Variants in NDUFV3 observed in about 807,000 individuals in gnomAD.
NDUFV3 encodes the protein NADH:ubiquinone oxidoreductase subunit V3.
Under a neutral mutation model 37.5 loss-of-function variants are expected in NDUFV3, and 44 were observed. The ratio of observed to expected loss-of-function variants is 1.17; its 90% confidence interval spans 0.92 to 1.51. The LOEUF (loss-of-function observed/expected upper bound fraction) is 1.51, where lower values mean the gene tolerates loss of function less well. Among genes scored for constraint, NDUFV3 ranks in the 40% most tolerant of loss-of-function variants. The probability of loss-of-function intolerance (pLI) is 0.00; values close to 1 mark genes in which losing one functional copy is unlikely to be tolerated. For synonymous variants in NDUFV3, 235 were observed against 239.3 expected (o/e 0.98, Z 0.17); for missense variants, 580 against 580.4 (o/e 1.00, Z 0.01).
intron 1 of NDUFV3, 76 bp from the exon 2 acceptor site, chr21:42,896,851 A>T: frequency 7.0e-7 from 1 of 1,426,680 alleles, no homozygotes; most frequent in South Asian, 1.2e-5. Context: ...AAAAATATAT[A>T]TATATATTCA....
At chr21:42,898,352 A>T (rs1375323916) in intron 2 of NDUFV3, among the ~76,000 whole-genome samples, 1 of 152,094 alleles carries the variant, frequency 6.6e-6, no homozygotes, top group Non-Finnish European at 1.5e-5. Flanking sequence ...GCACAGTCAT[A>T]GCTCACTACA....
In NDUFV3 at chr21:42,903,559, G is replaced by A; in HGVS notation, c.547G>A (p.Gly183Arg). The A allele has an allele frequency of 2.5e-6, 4 of 1,613,724 alleles. No individual in the cohort carries two copies. The highest frequency in any genetic ancestry group is 3.4e-6 in the Non-Finnish European group (4 of 1,179,942). Residue 183 changes from glycine (G) to arginine (R), a missense_variant, in exon 3 of 4, where the codon GGG becomes AGG. Transcript: ENST00000354250. ...VTPRVVSKGR[G>R]GLRKPEASHS... ...TCCTCGAGTGGTGAGCAAAGGCAGAGGGGGGCTTCGAAAACCAGAGGCCTC... is the reference window on the plus strand; with the variant it reads ...TCCTCGAGTGGTGAGCAAAGGCAGAAGGGGGCTTCGAAAACCAGAGGCCTC...
At chr21:42,902,900 A>G (rs767512554) in intron 2 of NDUFV3, among the ~76,000 whole-genome samples, 1 of 152,220 alleles carries the variant, frequency 6.6e-6, no homozygotes, top group South Asian at 2.1e-4. Flanking sequence ...TAGATTACTT[A>G]TAATACCTCA....
At chr21:42,903,078 G>A in intron 2 of NDUFV3, 104 bp from the exon 3 acceptor site, 1 of 1,448,006 alleles carries the variant, frequency 6.9e-7, no homozygotes, top group Non-Finnish European at 9.5e-7. Context: ...TGATTGCATT[G>A]AAGATACTGT....
At chr21:42,897,137 G>C (rs921426041) in intron 2 of NDUFV3, 90 bp downstream of exon 2, 103 of 1,439,980 alleles carry the variant, frequency 7.2e-5, no homozygotes, top group Non-Finnish European at 9.9e-5. Flanking sequence ...AGTTTTACTA[G>C]CTACGTAATT....
Position 42,909,001 on chromosome 21 carries a change from C to A in NDUFV3, c.1402C>A (p.Arg468=). The A allele has an allele frequency of 6.2e-7, 1 of 1,613,864 alleles. No individual in the cohort carries two copies. Among genetic ancestry groups the A allele is most frequent in the South Asian group, 1.1e-5 (1 of 91,078 alleles). The change falls in exon 4 of 4, where the codon CGG becomes AGG. Residue 468 remains arginine (R), a synonymous_variant. Transcript: ENST00000354250. ...CAGGATGCCTCAGCCCTCCTCAGGC[C>A]GGGAGTCACCTCGACACTGAGGGCC... ...KFRMPQPSSG[R]ESPRH
chr21:42,902,097 A>G (rs2058719940), intron 2 of NDUFV3, among the ~76,000 whole-genome samples: 1 of 152,152 alleles, frequency 6.6e-6, no homozygotes, highest in Non-Finnish European at 1.5e-5. Context: ...AATCCCAGCT[A>G]TTCGGGAGGC....
chr21:42,893,449 C>A (rs1454090773), intron 1 of NDUFV3, 68 bp downstream of exon 1: 2 of 1,512,882 alleles, frequency 1.3e-6, no homozygotes, highest in Non-Finnish European at 1.8e-6. Flanking sequence ...GGTGAGGGGG[C>A]GCGGTGCTGG....
At chr21:42,900,237 C>T (rs1369206446) in intron 2 of NDUFV3, among the ~76,000 whole-genome samples, 1 of 152,070 alleles carries the variant, frequency 6.6e-6, no homozygotes, top group African/African-American at 2.4e-5. Flanking sequence ...TATGGTGGCT[C>T]ACACCTGTAA....
chr21:42,908,803 C>T (rs1382133934), intron 3 of NDUFV3, 61 bp from the exon 4 acceptor site: 24 of 1,597,206 alleles, frequency 1.5e-5, no homozygotes, highest in South Asian at 1.1e-4. Context: ...GTGTGTGAGC[C>T]GAGTCATTCA....
chr21:42,902,100 C>T lies in NDUFV3; in HGVS notation c.170-1082C>T, dbSNP rs185281725. Among the ~76,000 whole-genome samples, 349 of 152,138 alleles carry T rather than the reference C, an allele frequency of 2.3e-3. 1 individual carries two copies. Among genetic ancestry groups the T allele is most frequent in the African/African-American group, 7.7e-3 (321 of 41,512 alleles). On this transcript the variant is annotated intron_variant, in intron 2 of 3. Transcript: ENST00000354250. ...GCGCATGCCTGTAATCCCAGCTATT[C>T]GGGAGGCTGAGGCAGCAGAATTGCT...
intron 2 of NDUFV3, among the ~76,000 whole-genome samples, chr21:42,902,387 T>A (rs1413934956): frequency 6.6e-6 from 1 of 152,188 alleles, no homozygotes; most frequent in Non-Finnish European, 1.5e-5. Flanking sequence ...GTTAGTTTTG[T>A]GATATTTTGA....
At position 42,903,531 on chromosome 21, in the gene NDUFV3, C is replaced by T; in HGVS notation, c.519C>T (p.Val173=). 6.2e-7 allele frequency: 1 copy of T among 1,614,112 alleles called. No homozygotes were observed. The highest frequency in any genetic ancestry group is 1.7e-5 in the Admixed American group (1 of 60,010). The change falls in exon 3 of 4, where the codon GTC becomes GTT. Residue 173 remains valine, a synonymous_variant. Coordinates refer to ENST00000354250, the MANE Select transcript of NDUFV3 (RefSeq NM_021075.4). The part of the protein sequence containing the change: ...ESDDEADVSE[V]TPRVVSKGRG... ...ATGATGAGGCTGACGTTTCAGAGGT[C>T]ACTCCTCGAGTGGTGAGCAAAGGCA...
intron 1 of NDUFV3, among the ~76,000 whole-genome samples, chr21:42,895,786 G>A (rs2058687793): frequency 6.6e-6 from 1 of 152,030 alleles, no homozygotes; most frequent in South Asian, 2.1e-4. Context: ...AATAGTGATT[G>A]TCCTTGAACT....
chr21:42,910,284 A>G lies in NDUFV3; in HGVS notation c.*1263A>G, dbSNP rs1429031613. ...AGGTTGCAGTGAGCAAGATCGTGCC[A>G]TTGTACTCCAGCCTGGGCAACAGGA... is the stretch of plus-strand genomic sequence containing the variant. On this transcript the variant is annotated 3_prime_UTR_variant, in exon 4 of 4. Transcript: ENST00000354250. 3 of 152,202 alleles carry G rather than the reference A, an allele frequency of 2.0e-5. No homozygotes were observed. The highest frequency in any genetic ancestry group is 6.6e-5 in the Admixed American group (1 of 15,264). 9.4% of individuals were successfully genotyped at this position (152,202 alleles called of 1,614,324 possible). A position where few individuals can be genotyped will look rare whatever the true frequency, so the allele number is the denominator to read the frequency against.
In NDUFV3 at chr21:42,909,060, C is replaced by G. The variant is rs1203541431; in HGVS notation, c.*39C>G. Reference sequence around the variant, plus strand: ...GAAGATGAACCTTCCACCGTCTTCACTGCATCCTGGAGTGCAAAAATAAAA... The same window carrying G: ...GAAGATGAACCTTCCACCGTCTTCAGTGCATCCTGGAGTGCAAAAATAAAA... On this transcript the variant is annotated 3_prime_UTR_variant, in exon 4 of 4. Coordinates refer to ENST00000354250, the MANE Select transcript of NDUFV3 (RefSeq NM_021075.4). The G allele has an allele frequency of 1.2e-6, 2 of 1,602,628 alleles. No homozygotes were observed. The highest frequency in any genetic ancestry group is 1.7e-6 in the Non-Finnish European group (2 of 1,173,114).
intron 1 of NDUFV3, among the ~76,000 whole-genome samples, chr21:42,895,984 C>CT (rs534775972): frequency 0.4 from 52,277 of 130,116 alleles, 11,567 homozygotes; most frequent in African/African-American, 0.58. Flanking sequence ...GGTTGTTTTT[C>CT]TTTTTTTTTT....
chr21:42,895,955 C>T (rs951970831), intron 1 of NDUFV3, among the ~76,000 whole-genome samples: 9 of 150,910 alleles, frequency 6.0e-5, no homozygotes, highest in Admixed American at 2.6e-4. Context: ...TACCTACATG[C>T]ACACAATCCC....
At chr21:42,898,941 A>T (rs1433959332) in intron 2 of NDUFV3, among the ~76,000 whole-genome samples, 1 of 152,258 alleles carries the variant, frequency 6.6e-6, no homozygotes, top group Non-Finnish European at 1.5e-5. Flanking sequence ...GCAGAGCCAA[A>T]GAGCCCCCTT....
Sources: gnomAD v4.1 joint callset for allele counts (sites outside exome capture counted in the v4.1 genomes callset) on GRCh38, gnomAD v4.1.1 for gene constraint, MANE v1.5 for transcripts, NCBI Gene and HGNC (gene_info 2026-07-23, HGNC 2026-07-21) for gene names.